The following NUDT3 variants were observed in gnomAD, a reference collection of about 807,000 sequenced individuals.
The protein encoded by NUDT3 is nudix hydrolase 3.
A neutral mutation model predicts 23.6 loss-of-function variants in NUDT3; 9 were observed. The observed-to-expected ratio is 0.38, with a 90% CI of 0.23 to 0.66. The LOEUF (loss-of-function observed/expected upper bound fraction) is 0.66. Ranked by LOEUF, NUDT3 falls within the 30% of genes least tolerant of loss-of-function variation. The pLI is 0.52. For synonymous variants in NUDT3, 86 were observed against 82.6 expected, an observed-to-expected ratio of 1.04 and a Z score of -0.22; for missense variants, 172 against 218.5, an observed-to-expected ratio of 0.79 and a Z score of 1.34.
intron 1 of NUDT3, among the ~76,000 whole-genome samples, chr6:34,345,821 T>G (rs1764360085): frequency 6.6e-6 from 1 of 151,912 alleles, no homozygotes; most frequent in African/African-American, 2.4e-5. Context: ...CAGGCTGGAG[T>G]GCAATGGCAT....
intron 1 of NUDT3, among the ~76,000 whole-genome samples, chr6:34,387,846 T>C (rs990162463): frequency 6.6e-6 from 1 of 152,160 alleles, no homozygotes; most frequent in Admixed American, 6.5e-5. Context: ...GGTTAATTTA[T>C]TATCGAAGAA....
At chr6:34,303,517 A>G (rs567149533) in intron 2 of NUDT3, among the ~76,000 whole-genome samples, 10 of 152,308 alleles carry the variant, frequency 6.6e-5, no homozygotes, top group African/African-American at 2.4e-4. Flanking sequence ...AATAGCAAGC[A>G]TAACTGTCTT....
At chr6:34,389,424 T>C (rs1765159832) in intron 1 of NUDT3, among the ~76,000 whole-genome samples, 1 of 152,216 alleles carries the variant, frequency 6.6e-6, no homozygotes, top group Non-Finnish European at 1.5e-5. Context: ...AACCTCTTTC[T>C]TTATAAATTA....
chr6:34,346,094 A>T (rs1279600809), intron 1 of NUDT3, among the ~76,000 whole-genome samples: 1 of 152,100 alleles, frequency 6.6e-6, no homozygotes, highest in Admixed American at 6.5e-5. Context: ...AAATCATAAA[A>T]CTACTGCCAC....
At chr6:34,358,912 T>G (rs1227363807) in intron 1 of NUDT3, among the ~76,000 whole-genome samples, 1 of 152,198 alleles carries the variant, frequency 6.6e-6, no homozygotes, top group Non-Finnish European at 1.5e-5. Flanking sequence ...GCAAGGAAAA[T>G]ATTTTTATGT....
chr6:34,338,703 G>C lies in NUDT3; in HGVS notation c.210+3159C>G, dbSNP rs462194. On this transcript the variant is annotated intron_variant, in intron 2 of 4. Coordinates refer to ENST00000607016, the MANE Select transcript of NUDT3 (RefSeq NM_006703.4). ...CTGATTAAACTACTGACACACTGTA[G>C]ATCAGACAGCTCTCTCACAAGCCAC... Among the ~76,000 whole-genome samples the C allele has an allele frequency of 2.3e-3, 345 of 152,314 alleles. 2 individuals carry two copies. Among genetic ancestry groups the C allele is most frequent in the African/African-American group, 7.9e-3 (327 of 41,574 alleles).
rs1561894574 is a variant in NUDT3 at position 34,284,556 on chromosome 6, A to G, written c.*4197T>C. 1 of 146,612 alleles carries G rather than the reference A, an allele frequency of 6.8e-6. No individual in the cohort carries two copies. Among genetic ancestry groups the G allele is most frequent in the African/African-American group, 2.5e-5 (1 of 39,862 alleles). The allele number at this position is 146,612 out of a possible 1,614,324, so 9.1% of individuals were successfully genotyped here. A position where few individuals can be genotyped will look rare whatever the true frequency, so the allele number is the denominator to read the frequency against. On this transcript the variant is annotated 3_prime_UTR_variant, in exon 5 of 5. Coordinates refer to ENST00000607016, the MANE Select transcript of NUDT3 (RefSeq NM_006703.4). ...TGTTTTTTTTTTTTTTTTTTTAAAG[A>G]TGAGGATGCGGACTCCAACAAAGGC... is the stretch of plus-strand genomic sequence containing the variant.
At chr6:34,360,210 C>A (rs1764627194) in intron 1 of NUDT3, among the ~76,000 whole-genome samples, 1 of 145,594 alleles carries the variant, frequency 6.9e-6, no homozygotes, top group Non-Finnish European at 1.5e-5. Context: ...TGCACTCCAG[C>A]CTGGGAAACA....
chr6:34,371,988 G>C (rs928996969), intron 1 of NUDT3, among the ~76,000 whole-genome samples: 1 of 152,178 alleles, frequency 6.6e-6, no homozygotes, highest in African/African-American at 2.4e-5. Flanking sequence ...GTGAGAACAC[G>C]CAGTGTTTGG....
intron 2 of NUDT3, 33 bp downstream of exon 2, chr6:34,341,829 G>A: frequency 6.3e-7 from 1 of 1,594,770 alleles, no homozygotes; most frequent in Non-Finnish European, 8.6e-7. Context: ...ATGATGACGA[G>A]GCACAGCTGT....
intron 2 of NUDT3, among the ~76,000 whole-genome samples, chr6:34,336,932 G>C (rs566628197): frequency 6.6e-6 from 1 of 152,226 alleles, no homozygotes; most frequent in African/African-American, 2.4e-5. Context: ...TGAAAACTAA[G>C]TGAATCTCTA....
In NUDT3 at chr6:34,324,401, A is replaced by G. The variant is rs376500013; in HGVS notation, c.210+17461T>C. On this transcript the variant is annotated intron_variant, in intron 2 of 4. Transcript: ENST00000607016. ...AGAATAAGAGCCTTGTTTAGATCATATAATTGTTATTGTTGCTGTTTTTGA... is the reference window on the plus strand; with the variant it reads ...AGAATAAGAGCCTTGTTTAGATCATGTAATTGTTATTGTTGCTGTTTTTGA... Among the ~76,000 whole-genome samples, 82 of 151,968 alleles carry G rather than the reference A, an allele frequency of 5.4e-4. 4 individuals are homozygous for G. The South Asian group carries it at 0.016, about 29-fold the overall frequency.
chr6:34,348,291 A>T (rs919909517), intron 1 of NUDT3, among the ~76,000 whole-genome samples: 1 of 151,960 alleles, frequency 6.6e-6, no homozygotes. Flanking sequence ...TGTCTCAAAA[A>T]AACAAAAGCA....
chr6:34,304,052 AG>A (rs367631508), intron 2 of NUDT3, among the ~76,000 whole-genome samples: 35 of 152,260 alleles, frequency 2.3e-4, no homozygotes, highest in Middle Eastern at 3.4e-3. Context: ...CAGGAGTTCG[AG>A]AGTAGCCTGG....
At chr6:34,305,477 CTATTT>C (rs1360348099) in intron 2 of NUDT3, among the ~76,000 whole-genome samples, 2 of 152,104 alleles carry the variant, frequency 1.3e-5, no homozygotes, top group East Asian at 3.9e-4. Context: ...AGAAGTTTAT[CTATTT>C]TATTAGACAA....
intron 4 of NUDT3, among the ~76,000 whole-genome samples, chr6:34,291,234 C>T (rs764175103): frequency 1.3e-5 from 2 of 152,010 alleles, no homozygotes. Context: ...GCTGGGATTA[C>T]AAACGTGATC....
At chr6:34,338,013 T>C (rs1003405210) in intron 2 of NUDT3, among the ~76,000 whole-genome samples, 4 of 152,326 alleles carry the variant, frequency 2.6e-5, no homozygotes, top group Non-Finnish European at 4.4e-5. Context: ...CCACACTTAT[T>C]TGAACAGTCA....
chr6:34,388,540 A>T (rs1042973006), intron 1 of NUDT3, among the ~76,000 whole-genome samples: 1 of 152,200 alleles, frequency 6.6e-6, no homozygotes, highest in African/African-American at 2.4e-5. Flanking sequence ...TACTGAGAAC[A>T]TAAAAGTTCT....
chr6:34,339,406 C>G (rs1764256511), intron 2 of NUDT3, among the ~76,000 whole-genome samples: 1 of 152,196 alleles, frequency 6.6e-6, no homozygotes. Context: ...AGGAGAAATT[C>G]TCAGAACACT....
Sources: gnomAD v4.1 joint callset for allele counts (sites outside exome capture counted in the v4.1 genomes callset) on GRCh38, gnomAD v4.1.1 for gene constraint, MANE v1.5 for transcripts, NCBI Gene and HGNC (gene_info 2026-07-23, HGNC 2026-07-21) for gene names.